Variants in CDH10 observed in about 807,000 individuals in gnomAD.
The protein encoded by CDH10 is cadherin-10.
Under a neutral mutation model 73.1 loss-of-function variants are expected in CDH10, and 30 were observed. That is an observed-to-expected ratio of 0.41 (90% CI 0.31 to 0.56). The LOEUF (loss-of-function observed/expected upper bound fraction) is 0.56. CDH10 is among the 20% of genes least tolerant of loss of function. The pLI is 0.27. For synonymous variants in CDH10, 345 were observed against 348.2 expected (o/e 0.99, Z 0.10); for missense variants, 815 against 973.7 (o/e 0.84, Z 2.17).
intron 1 of CDH10, among the ~76,000 whole-genome samples, chr5:24,635,760 T>C (rs1227809591): frequency 6.6e-6 from 1 of 151,946 alleles, no homozygotes; most frequent in Non-Finnish European, 1.5e-5. Context: ...AGTTTTATAT[T>C]GAGCCCTTTC....
At chr5:24,635,375 T>C (rs1377270139) in intron 1 of CDH10, among the ~76,000 whole-genome samples, 1 of 152,032 alleles carries the variant, frequency 6.6e-6, no homozygotes. Flanking sequence ...ATGTTTCACC[T>C]GAGTGAGTTT....
intron 1 of CDH10, among the ~76,000 whole-genome samples, chr5:24,603,233 A>G (rs1746631000): frequency 2.6e-5 from 4 of 152,150 alleles, no homozygotes; most frequent in Admixed American, 1.3e-4. Context: ...ATTCAATTCA[A>G]TCTGCACATT....
rs1379101614 is a variant in CDH10, at chr5:24,643,966, T to TC, written c.-124+627dup. On this transcript the variant is annotated intron_variant, in intron 1 of 11. Coordinates refer to ENST00000264463, the MANE Select transcript of CDH10 (RefSeq NM_006727.5). The stretch of plus-strand genomic sequence containing the variant: ...TTTACTCTCCCTCTCTTTACCTCTC[T>TC]CCCCCCAATACTTCTGACTCAGATA... Among the ~76,000 whole-genome samples, 3 of 152,046 alleles carry TC rather than the reference T, an allele frequency of 2.0e-5. No homozygotes were observed. In the East Asian group the frequency reaches 5.8e-4, roughly 29 times the overall value.
intron 2 of CDH10, among the ~76,000 whole-genome samples, chr5:24,546,363 T>C (rs1010475305): frequency 3.3e-5 from 5 of 152,070 alleles, no homozygotes; most frequent in African/African-American, 1.2e-4. Context: ...AGATCAACGC[T>C]CTCACAAGGA....
intron 2 of CDH10, among the ~76,000 whole-genome samples, chr5:24,555,796 G>A (rs1744750345): frequency 6.6e-6 from 1 of 152,088 alleles, no homozygotes; most frequent in South Asian, 2.1e-4. Flanking sequence ...GAAAAAAAGT[G>A]AGAAATCTAT....
chr5:24,578,543 T>A (rs773199564), intron 2 of CDH10: 10 of 288,302 alleles, frequency 3.5e-5, no homozygotes, highest in Admixed American at 7.7e-5. Context: ...TGCTGGAAAC[T>A]CCTGCTCTGC....
chr5:24,560,212 G>A (rs6871997), intron 2 of CDH10, among the ~76,000 whole-genome samples: 4,596 of 17,920 alleles, frequency 0.26, 105 homozygotes, highest in East Asian at 0.44. Flanking sequence ...GTGTGTGTGT[G>A]TGTGTGTGTG....
intron 2 of CDH10, among the ~76,000 whole-genome samples, chr5:24,583,379 G>A (rs1579841420): frequency 6.6e-6 from 1 of 152,150 alleles, no homozygotes; most frequent in East Asian, 1.9e-4. Flanking sequence ...GGATCAAGAT[G>A]AGAATCTTAG....
At chr5:24,561,077 G>T (rs1331338445) in intron 2 of CDH10, among the ~76,000 whole-genome samples, 2 of 152,042 alleles carry the variant, frequency 1.3e-5, no homozygotes, top group Non-Finnish European at 2.9e-5. Flanking sequence ...TATTTAAAGT[G>T]CTTAGCAATA....
chr5:24,509,676 A>G lies in CDH10; in HGVS notation c.1146T>C (p.Pro382=), dbSNP rs1414485424. The part of the protein sequence containing the change: ...KISIEDVDEP[P]VFSRSSYLFE... ...ACAGATAGGAGGACCTACTAAAAACAGGAGGTTCATCCACATCTTCTATAG... is the reference window on the plus strand; with the variant it reads ...ACAGATAGGAGGACCTACTAAAAACGGGAGGTTCATCCACATCTTCTATAG... The change falls in exon 7 of 12, where the codon CCT becomes CCC. Residue 382 remains proline (P), a synonymous_variant. Coordinates refer to ENST00000264463, the MANE Select transcript of CDH10 (RefSeq NM_006727.5). 5 of 1,613,626 alleles carry G rather than the reference A, an allele frequency of 3.1e-6. No homozygotes were observed. In the South Asian group the frequency reaches 5.5e-5, roughly 18 times the overall value.
In CDH10 at chr5:24,613,070, C is replaced by T. The variant is rs1273817727; in HGVS notation, c.-123-19457G>A. ...TATCTAGGATAATTCTAGAGTACTT[C>T]CATATAGAAAAAAATGTTAAATAAT... On this transcript the variant is annotated intron_variant, in intron 1 of 11. Transcript: ENST00000264463. 3 of 151,852 alleles carry T rather than the reference C, an allele frequency of 2.0e-5. No individual in the cohort carries two copies. In the East Asian group the frequency reaches 5.8e-4, roughly 29 times the overall value. 9.4% of individuals were successfully genotyped at this position (151,852 alleles called of 1,614,324 possible).
At chr5:24,488,212 T>C (rs1389334357) in intron 11 of CDH10, 59 bp from the exon 12 acceptor site, 1 of 1,357,140 alleles carries the variant, frequency 7.4e-7, no homozygotes, top group Non-Finnish European at 1.0e-6. Context: ...AAATAACGAG[T>C]GGAAATACTA....
intron 2 of CDH10, among the ~76,000 whole-genome samples, chr5:24,539,967 G>A (rs1744090160): frequency 6.6e-6 from 1 of 152,026 alleles, no homozygotes; most frequent in Admixed American, 6.6e-5. Context: ...CTAATTTGAT[G>A]AGCTGTTATG....
chr5:24,605,074 T>C (rs945034481), intron 1 of CDH10, among the ~76,000 whole-genome samples: 1 of 151,826 alleles, frequency 6.6e-6, no homozygotes, highest in African/African-American at 2.4e-5. Context: ...GCAAAGAAAA[T>C]ATATAGATGG....
chr5:24,614,981 G>A (rs555741469), intron 1 of CDH10, among the ~76,000 whole-genome samples: 1 of 152,256 alleles, frequency 6.6e-6, no homozygotes, highest in South Asian at 2.1e-4. Context: ...CAAGCACCAG[G>A]AGCATCTACA....
At chr5:24,616,592 A>G (rs1024512574) in intron 1 of CDH10, among the ~76,000 whole-genome samples, 2 of 152,140 alleles carry the variant, frequency 1.3e-5, no homozygotes, top group East Asian at 1.9e-4. Context: ...TACTTTCTAT[A>G]TTTAAAAAAA....
intron 10 of CDH10, 56 bp from the exon 11 acceptor site, chr5:24,491,883 G>GT: frequency 9.1e-7 from 1 of 1,100,358 alleles, no homozygotes; most frequent in South Asian, 1.6e-5. Context: ...TTTTCCCAAT[G>GT]TGATCACCAA....
chr5:24,535,726 T>C lies in CDH10; in HGVS notation c.623A>G (p.Tyr208Cys). The C allele has an allele frequency of 2.5e-6, 4 of 1,611,538 alleles. No individual in the cohort carries two copies. Among genetic ancestry groups the C allele is most frequent in the South Asian group, 1.1e-5 (1 of 90,966 alleles). Reference protein sequence around the residue: ...VIYSILQGQPYFSVEPETGII... With the variant: ...VIYSILQGQPCFSVEPETGII... ...ACCTGTTTCAGGCTCCACAGAGAAA[T>C]AGGGCTGCCCTTGAAGTATGCTGTA... is the stretch of plus-strand genomic sequence containing the variant. Residue 208 changes from tyrosine (Y) to cysteine (C), a missense_variant, in exon 4 of 12, where the codon TAT becomes TGT. Physicochemically the swap from Tyr to Cys is radical, Grantham distance 194. Around this residue, in one of 3 missense-constraint regions of CDH10, gnomAD observed 516 missense variants for 636.6 expected, o/e 0.81. Transcript: ENST00000264463.
chr5:24,529,580 T>C (rs900327356), intron 5 of CDH10, among the ~76,000 whole-genome samples: 2 of 152,026 alleles, frequency 1.3e-5, no homozygotes, highest in Admixed American at 6.6e-5. Context: ...AACAATAAAT[T>C]CATTCTTTTG....
Sources: gnomAD v4.1 joint callset for allele counts (sites outside exome capture counted in the v4.1 genomes callset) on GRCh38, gnomAD v4.1.1 for gene constraint, gnomAD v4.1.1 regional missense constraint, MANE v1.5 for transcripts, NCBI Gene and HGNC (gene_info 2026-07-23, HGNC 2026-07-21) for gene names.